Variants in GALNT13 observed in about 807,000 individuals in gnomAD.
GALNT13 encodes polypeptide N-acetylgalactosaminyltransferase 13.
A neutral mutation model predicts 64.2 loss-of-function variants in GALNT13; 28 were observed. The observed-to-expected ratio is 0.44, with a 90% confidence interval of 0.32 to 0.60. GALNT13 has a LOEUF of 0.60. Among genes scored for constraint, GALNT13 ranks in the 20% least tolerant of loss-of-function variants. The probability of loss-of-function intolerance (pLI) is 0.05; values close to 1 mark genes in which losing one functional copy is unlikely to be tolerated. For missense variants in GALNT13, 577 were observed against 669.8 expected (o/e 0.86, Z 1.53); for synonymous variants, 214 against 224.6 (o/e 0.95, Z 0.42).
the GALNT13 span, among the ~76,000 whole-genome samples, chr2:153,586,397 A>C: frequency 6.6e-6 from 1 of 152,210 alleles, no homozygotes; most frequent in Admixed American, 6.5e-5. Context: ...GAATAGCTAT[A>C]CTTATATCAG....
the GALNT13 span, among the ~76,000 whole-genome samples, chr2:153,432,858 T>C: frequency 6.6e-6 from 1 of 152,272 alleles, no homozygotes; most frequent in South Asian, 2.1e-4. Flanking sequence ...TTAAAGATAA[T>C]AAATGTCCAT....
chr2:153,518,255 G>T, the GALNT13 span, among the ~76,000 whole-genome samples: 243 of 152,098 alleles, frequency 1.6e-3, 1 homozygote, highest in African/African-American at 5.6e-3. Flanking sequence ...TTTCTTCGTA[G>T]CCCTTATCAT....
At chr2:154,012,877 A>G (rs10174445) in intron 3 of GALNT13, among the ~76,000 whole-genome samples, 1 of 151,704 alleles carries the variant, frequency 6.6e-6, no homozygotes, top group African/African-American at 2.4e-5. Flanking sequence ...TATATTATGG[A>G]ATTATTGTAT....
the GALNT13 span, among the ~76,000 whole-genome samples, chr2:153,738,459 G>C: frequency 6.6e-6 from 1 of 151,688 alleles, no homozygotes; most frequent in Non-Finnish European, 1.5e-5. Context: ...CCTCCCTTAC[G>C]AACTATTTAA....
chr2:153,129,743 C>T, the GALNT13 span, among the ~76,000 whole-genome samples: 1 of 151,588 alleles, frequency 6.6e-6, no homozygotes, highest in African/African-American at 2.4e-5. Flanking sequence ...GCACTCCAGC[C>T]TGGTGACAGA....
chr2:153,608,863 A>G, the GALNT13 span, among the ~76,000 whole-genome samples: 2 of 147,676 alleles, frequency 1.4e-5, no homozygotes, highest in Admixed American at 6.8e-5. Context: ...TATAATTTAT[A>G]TAATATAAGA....
the GALNT13 span, among the ~76,000 whole-genome samples, chr2:153,697,607 A>G: frequency 2.0e-5 from 3 of 152,334 alleles, no homozygotes; most frequent in East Asian, 5.8e-4. Context: ...GACTATCTCT[A>G]ATATTCAAGA....
rs376323902 is a variant in GALNT13 at position 153,891,401 on chromosome 2, G to A, written c.-176-9535G>A. Among the ~76,000 whole-genome samples the A allele has an allele frequency of 2.3e-4, 35 of 152,082 alleles. No individual in the cohort carries two copies. The South Asian group carries it at 7.3e-3, about 32-fold the overall frequency. Reference sequence around the variant, plus strand: ...CAAATTCCACTGTTAGCTAGTCAGAGATTGTGCACTTTATATGCTTCTTGT... The same window carrying A: ...CAAATTCCACTGTTAGCTAGTCAGAAATTGTGCACTTTATATGCTTCTTGT... On this transcript the variant is annotated intron_variant, in intron 1 of 12. Transcript: ENST00000392825.
intron 3 of GALNT13, among the ~76,000 whole-genome samples, chr2:154,036,120 TATTTCATTTATTG>T (rs1222034073): frequency 6.6e-6 from 1 of 152,108 alleles, no homozygotes; most frequent in African/African-American, 2.4e-5. Context: ...ATTAAATTTT[TATTTCATTTATTG>T]ATACAGTTTG....
chr2:153,318,570 T>TA, the GALNT13 span, among the ~76,000 whole-genome samples: 1 of 151,852 alleles, frequency 6.6e-6, no homozygotes, highest in Non-Finnish European at 1.5e-5. Context: ...GAAGTGGAGT[T>TA]AAGAGACAGA....
chr2:153,350,365 A>G, the GALNT13 span, among the ~76,000 whole-genome samples: 1 of 147,166 alleles, frequency 6.8e-6, no homozygotes, highest in Admixed American at 6.8e-5. Flanking sequence ...TTATTTATGC[A>G]TGGTCTGTTT....
At chr2:153,753,176 T>C in the GALNT13 span, among the ~76,000 whole-genome samples, 10 of 152,280 alleles carry the variant, frequency 6.6e-5, no homozygotes, top group South Asian at 2.1e-3. Flanking sequence ...TTAAGTTTCC[T>C]CAACACAAGT....
chr2:154,100,407 T>C (rs2105461831), intron 3 of GALNT13, among the ~76,000 whole-genome samples: 1 of 152,316 alleles, frequency 6.6e-6, no homozygotes, highest in South Asian at 2.1e-4. Flanking sequence ...GTTCTCCTTG[T>C]AGAGATTATT....
At chr2:153,288,271 G>A in the GALNT13 span, among the ~76,000 whole-genome samples, 1 of 152,118 alleles carries the variant, frequency 6.6e-6, no homozygotes, top group Non-Finnish European at 1.5e-5. Flanking sequence ...CCCTATATGT[G>A]TGTGTCTAAA....
intron 2 of GALNT13, among the ~76,000 whole-genome samples, chr2:153,916,362 G>T (rs1053446949): frequency 6.6e-6 from 1 of 150,642 alleles, no homozygotes. Flanking sequence ...TCACTATGTT[G>T]CCCAGGCTGG....
At chr2:154,342,339 T>G (rs1435205115) in intron 9 of GALNT13, among the ~76,000 whole-genome samples, 1 of 152,064 alleles carries the variant, frequency 6.6e-6, no homozygotes, top group Non-Finnish European at 1.5e-5. Context: ...ATTGAGTTCT[T>G]AAGTCAGCAC....
intron 11 of GALNT13, among the ~76,000 whole-genome samples, chr2:154,417,069 A>G (rs1315487618): frequency 6.6e-6 from 1 of 151,922 alleles, no homozygotes; most frequent in Non-Finnish European, 1.5e-5. Flanking sequence ...TCATTCTACT[A>G]GTCTTTTTAA....
intron 9 of GALNT13, among the ~76,000 whole-genome samples, chr2:154,344,371 A>G (rs1695949511): frequency 6.6e-6 from 1 of 152,098 alleles, no homozygotes; most frequent in South Asian, 2.1e-4. Flanking sequence ...TGACAGTGTT[A>G]AAGGATATCA....
chr2:153,597,796 G>T, the GALNT13 span, among the ~76,000 whole-genome samples: 1 of 151,952 alleles, frequency 6.6e-6, no homozygotes, highest in African/African-American at 2.4e-5. Context: ...ATTTCAAAAT[G>T]AGCAACTCTA....
Sources: gnomAD v4.1 joint callset for allele counts (sites outside exome capture counted in the v4.1 genomes callset) on GRCh38, gnomAD v4.1.1 for gene constraint, MANE v1.5 for transcripts, NCBI Gene and HGNC (gene_info 2026-07-23, HGNC 2026-07-21) for gene names.